Variants in VWA8 observed in about 807,000 individuals in gnomAD.
VWA8 encodes von Willebrand factor A domain-containing protein 8.
VWA8 carries 221 observed loss-of-function variants against 241.5 expected under a neutral mutation model. That is an observed-to-expected ratio of 0.91 (90% CI 0.82 to 1.02). The LOEUF (loss-of-function observed/expected upper bound fraction) is 1.02, where lower values mean the gene tolerates loss of function less well. Ranked by LOEUF, VWA8 falls within the 50% of genes least tolerant of loss-of-function variation. The pLI, the probability that VWA8 is intolerant of heterozygous loss-of-function variation, is 0.00. For missense variants in VWA8, 2,322 were observed against 2,328.7 expected (o/e 1.00, Z 0.06); for synonymous variants, 852 against 827.1 (o/e 1.03, Z -0.52).
intron 38 of VWA8, among the ~76,000 whole-genome samples, chr13:41,613,428 T>C (rs1037625330): frequency 3.3e-5 from 5 of 152,158 alleles, no homozygotes; most frequent in Non-Finnish European, 7.4e-5. Context: ...GGAAAAGGTG[T>C]TTCTGGGATC....
chr13:41,687,272 T>C (rs2045143100), intron 34 of VWA8, among the ~76,000 whole-genome samples: 1 of 152,198 alleles, frequency 6.6e-6, no homozygotes, highest in African/African-American at 2.4e-5. Context: ...AATAGAATGG[T>C]AACAGTGGGC....
chr13:41,937,254 G>A (rs1454490545), intron 2 of VWA8, among the ~76,000 whole-genome samples: 2 of 152,126 alleles, frequency 1.3e-5, no homozygotes, highest in Non-Finnish European at 2.9e-5. Context: ...TACATTTATT[G>A]TGCACTTTAT....
chr13:41,672,213 G>A (rs1195922998), intron 36 of VWA8, among the ~76,000 whole-genome samples: 1 of 152,174 alleles, frequency 6.6e-6, no homozygotes. Flanking sequence ...GACTTAGAAA[G>A]TTACGTGACT....
intron 26 of VWA8, among the ~76,000 whole-genome samples, chr13:41,718,898 G>A (rs2137845527): frequency 6.6e-6 from 1 of 151,782 alleles, no homozygotes; most frequent in African/African-American, 2.4e-5. Context: ...GACAAAGATG[G>A]TATTAGATGC....
At chr13:41,675,151 C>T in intron 36 of VWA8, 64 bp downstream of exon 36, 1 of 1,236,256 alleles carries the variant, frequency 8.1e-7, no homozygotes. Flanking sequence ...ATTCAGAGTA[C>T]TTAGCAAGAA....
intron 12 of VWA8, among the ~76,000 whole-genome samples, chr13:41,858,017 C>A (rs1872828755): frequency 6.6e-6 from 1 of 152,142 alleles, no homozygotes. Context: ...CTTACTCAGA[C>A]TGGAACTTAT....
intron 9 of VWA8, among the ~76,000 whole-genome samples, chr13:41,881,491 G>A (rs1337290400): frequency 2.7e-5 from 2 of 74,814 alleles, no homozygotes; most frequent in African/African-American, 5.2e-5. Flanking sequence ...GCAACCATCC[G>A]ATTTCTCAAT....
chr13:41,863,454 T>TACAC (rs767135880), intron 12 of VWA8, among the ~76,000 whole-genome samples: 24 of 94,870 alleles, frequency 2.5e-4, no homozygotes, highest in African/African-American at 8.9e-4. Context: ...TATATATATA[T>TACAC]TCACACACAC....
chr13:41,854,116 T>C (rs966340750), intron 12 of VWA8, among the ~76,000 whole-genome samples: 3 of 152,188 alleles, frequency 2.0e-5, no homozygotes, highest in African/African-American at 4.8e-5. Context: ...TGTTAGCTTG[T>C]GGCTTAAAGA....
At chr13:41,902,576 T>C (rs1412909756) in intron 4 of VWA8, among the ~76,000 whole-genome samples, 1 of 152,242 alleles carries the variant, frequency 6.6e-6, no homozygotes, top group East Asian at 1.9e-4. Context: ...ATATCAATCA[T>C]TCAATATATA....
At chr13:41,854,809 A>T (rs1199045473) in intron 12 of VWA8, among the ~76,000 whole-genome samples, 1 of 152,200 alleles carries the variant, frequency 6.6e-6, no homozygotes, top group Non-Finnish European at 1.5e-5. Flanking sequence ...TTCAAGATTT[A>T]CAGAAATTCA....
At position 41,570,653 on chromosome 13, in the gene VWA8, C is replaced by T. The variant is rs2044295007; in HGVS notation, c.5424G>A (p.Gly1808=). The T allele has an allele frequency of 1.2e-6, 2 of 1,614,218 alleles. No homozygotes were observed. Among genetic ancestry groups the T allele is most frequent in the Non-Finnish European group, 8.5e-7 (1 of 1,180,040 alleles). The change falls in exon 44 of 45, where the codon GGG becomes GGA. Residue 1808 remains glycine, a synonymous_variant. Coordinates refer to ENST00000379310, the MANE Select transcript of VWA8 (RefSeq NM_015058.2). The part of the protein sequence containing the change: ...FCMSGDHTLE[G]TEHAIKEIVK... ...CAATTTCCTTGATGGCATGTTCTGTCCCTTCTAACGTGTGGTCCCCACTCA... is the reference window on the plus strand; with the variant it reads ...CAATTTCCTTGATGGCATGTTCTGTTCCTTCTAACGTGTGGTCCCCACTCA...
chr13:41,841,251 C>G (rs943689569), intron 12 of VWA8, among the ~76,000 whole-genome samples: 2 of 152,116 alleles, frequency 1.3e-5, no homozygotes, highest in Non-Finnish European at 2.9e-5. Context: ...AATAACACAC[C>G]TCTCAGGCTA....
At position 41,585,926 on chromosome 13, in the gene VWA8, C is replaced by T. The variant is rs115392306; in HGVS notation, c.5271+1586G>A. On this transcript the variant is annotated intron_variant, in intron 42 of 44. Transcript: ENST00000379310. ...AACCTCCATATAGCTCAAAGAGAGC[C>T]GAGGAACACTGAAATTCAAGATCCA... Among the ~76,000 whole-genome samples the T allele has an allele frequency of 3.4e-3, 505 of 150,078 alleles. 2 individuals are homozygous for T. Among genetic ancestry groups the T allele is most frequent in the African/African-American group, 0.011 (467 of 40,952 alleles).
At chr13:41,773,045 G>C (rs1225861507) in intron 20 of VWA8, among the ~76,000 whole-genome samples, 5 of 152,208 alleles carry the variant, frequency 3.3e-5, no homozygotes, top group African/African-American at 1.2e-4. Flanking sequence ...GCAAACAGAA[G>C]GCTGTGTAGA....
At chr13:41,886,116 T>A in intron 7 of VWA8, 88 bp from the exon 8 acceptor site, 1 of 889,902 alleles carries the variant, frequency 1.1e-6, no homozygotes, top group Non-Finnish European at 1.7e-6. Context: ...CCAATTTAAT[T>A]AATCTAAAAA....
chr13:41,865,594 A>C (rs1873251454), intron 12 of VWA8, 142 bp downstream of exon 12: 1 of 836,354 alleles, frequency 1.2e-6, no homozygotes, highest in Non-Finnish European at 1.8e-6. Context: ...ATTGCACTTT[A>C]ATTTGAATAA....
intron 40 of VWA8, among the ~76,000 whole-genome samples, chr13:41,594,207 T>C (rs1213219943): frequency 1.3e-5 from 2 of 151,918 alleles, no homozygotes; most frequent in African/African-American, 2.4e-5. Flanking sequence ...CCTTGAACTT[T>C]GAACTCCTGG....
chr13:41,583,642 C>CAAAAAAAAAAAA (rs935505646), intron 42 of VWA8, among the ~76,000 whole-genome samples: 2 of 42,166 alleles, frequency 4.7e-5, no homozygotes, highest in Non-Finnish European at 9.4e-5. Context: ...GACTCCATCT[C>CAAAAAAAAAAAA]AAAAAAAAAA....
Sources: gnomAD v4.1 joint callset for allele counts (sites outside exome capture counted in the v4.1 genomes callset) on GRCh38, gnomAD v4.1.1 for gene constraint, MANE v1.5 for transcripts, NCBI Gene and HGNC (gene_info 2026-07-23, HGNC 2026-07-21) for gene names.